The following RNF6 variants were observed in gnomAD, a reference collection of about 807,000 sequenced individuals.
The protein encoded by RNF6 is ring finger protein 6.
RNF6 carries 21 observed loss-of-function variants against 50.1 expected under a neutral mutation model. That is an observed-to-expected ratio of 0.42 (90% CI 0.30 to 0.60). The LOEUF (loss-of-function observed/expected upper bound fraction) is 0.60, where lower values mean the gene tolerates loss of function less well. Ranked by LOEUF, RNF6 falls within the 20% of genes least tolerant of loss-of-function variation. The pLI, the probability that RNF6 is intolerant of heterozygous loss-of-function variation, is 0.20. For synonymous variants in RNF6, 255 were observed against 291.8 expected (o/e 0.87, Z 1.29); for missense variants, 698 against 838.2 (o/e 0.83, Z 2.07).
chr13:26,192,738 A>G (rs1384229291), intron 5 of RNF6, among the ~76,000 whole-genome samples: 1 of 152,164 alleles, frequency 6.6e-6, no homozygotes, highest in Non-Finnish European at 1.5e-5. Flanking sequence ...AACAGCCCTC[A>G]AGGAGCTGAA....
intron 5 of RNF6, among the ~76,000 whole-genome samples, chr13:26,155,767 C>T (rs1378219834): frequency 2.0e-5 from 3 of 152,258 alleles, no homozygotes; most frequent in South Asian, 2.1e-4. Context: ...ATGGCTCAGG[C>T]GTCATCTGTT....
chr13:26,160,062 A>T (rs191624884), intron 5 of RNF6, among the ~76,000 whole-genome samples: 1 of 152,312 alleles, frequency 6.6e-6, no homozygotes, highest in Non-Finnish European at 1.5e-5. Flanking sequence ...TTTTTGTCTG[A>T]ACTACAAATC....
At position 26,180,954 on chromosome 13, in the gene RNF6, G is replaced by C. The variant is rs368233435; in HGVS notation, n.768+34520C>G. ...GCTTCCTGCACTTCCTGTAGTCGGAGATGTTCTTGTCTATCACTTGGGGTG... is the reference window on the plus strand; with the variant it reads ...GCTTCCTGCACTTCCTGTAGTCGGACATGTTCTTGTCTATCACTTGGGGTG... On this transcript the variant is annotated intron_variant and non_coding_transcript_variant, in intron 5 of 5. Coordinates refer to the RNF6 transcript ENST00000468480. Among the ~76,000 whole-genome samples, 37 of 152,350 alleles carry C rather than the reference G, an allele frequency of 2.4e-4. No homozygotes were observed. The East Asian group carries it at 2.7e-3, about 11-fold the overall frequency.
At position 26,214,644 on chromosome 13, in the gene RNF6, T is replaced by C. The variant is rs777250612; in HGVS notation, c.1238A>G (p.Asp413Gly). The C allele has an allele frequency of 1.1e-5, 18 of 1,614,062 alleles. No individual in the cohort carries two copies. The Admixed American group carries it at 1.3e-4, about 12-fold the overall frequency. Residue 413 changes from aspartate (D) to glycine (G), a missense_variant, in exon 5 of 5, where the codon GAT becomes GGT. By Grantham distance (94) the Asp-to-Gly change is moderately conservative (BLOSUM62 -1). Transcript: ENST00000381588. ...AGTTCTATTTGCAATACTATCCCGA[T>C]CTCTATTTTCTCCAGGACGGATCCT... ...VRRIRPGENR[D>G]RDSIANRTRS... is the part of the protein sequence containing the mutation.
chr13:26,148,982 T>G (rs1252024069), intron 5 of RNF6, among the ~76,000 whole-genome samples: 1 of 151,920 alleles, frequency 6.6e-6, no homozygotes, highest in Admixed American at 6.6e-5. Context: ...TATTCAGGCC[T>G]GTAATTGATT....
upstream of RNF6, chr13:26,222,566 G>A (rs1364106789): frequency 1.3e-5 from 2 of 152,288 alleles, no homozygotes; most frequent in Non-Finnish European, 2.9e-5. Context: ...CTTTACTTCC[G>A]GGTGTAACGT....
At chr13:26,173,162 A>G (rs117345449) in intron 5 of RNF6, among the ~76,000 whole-genome samples, 30 of 152,360 alleles carry the variant, frequency 2.0e-4, no homozygotes, top group Non-Finnish European at 3.4e-4. Flanking sequence ...ACCATTGTAG[A>G]GAGAGCAAGT....
chr13:26,190,338 A>G (rs1868407230), intron 5 of RNF6, among the ~76,000 whole-genome samples: 1 of 152,218 alleles, frequency 6.6e-6, no homozygotes, highest in Non-Finnish European at 1.5e-5. Flanking sequence ...ATAAGGCAAC[A>G]TATTTATAGA....
chr13:26,157,386 G>A (rs1338614765), intron 5 of RNF6, among the ~76,000 whole-genome samples: 1 of 152,038 alleles, frequency 6.6e-6, no homozygotes, highest in African/African-American at 2.4e-5. Context: ...AGAACACAAT[G>A]GCAGTGGGTG....
rs541745536 is a variant in RNF6 at position 26,197,361 on chromosome 13, C to T, written n.768+18113G>A. On this transcript the variant is annotated intron_variant and non_coding_transcript_variant, in intron 5 of 5. Coordinates refer to the RNF6 transcript ENST00000468480. ...TGGGATATACATGTATCTCCTACAACTCAGGAGTGTCTTTCCCAAGGACCT... is the reference window on the plus strand; with the variant it reads ...TGGGATATACATGTATCTCCTACAATTCAGGAGTGTCTTTCCCAAGGACCT... Among the ~76,000 whole-genome samples the T allele has an allele frequency of 1.3e-4, 20 of 152,078 alleles. No individual in the cohort carries two copies. In the South Asian group the frequency reaches 4.1e-3, roughly 32 times the overall value.
rs1873037343 is a variant in RNF6 at position 26,177,880 on chromosome 13, A to T, written n.768+37594T>A. On this transcript the variant is annotated intron_variant and non_coding_transcript_variant, in intron 5 of 5. Transcript: ENST00000468480. ...TTCTAAAACACAAATATGATGTGTC[A>T]CTCTGCTTAAAAACACTACTGTCAA... Among the ~76,000 whole-genome samples, 3 of 152,184 alleles carry T rather than the reference A, an allele frequency of 2.0e-5. No individual in the cohort carries two copies. The South Asian group carries it at 6.2e-4, about 32-fold the overall frequency.
intron 5 of RNF6, among the ~76,000 whole-genome samples, chr13:26,147,492 A>G (rs1418341293): frequency 6.6e-6 from 1 of 152,156 alleles, no homozygotes; most frequent in Non-Finnish European, 1.5e-5. Context: ...GGCTTATACC[A>G]CTGGGTGTGA....
intron 5 of RNF6, among the ~76,000 whole-genome samples, chr13:26,207,559 A>G (rs1869160886): frequency 6.6e-6 from 1 of 152,216 alleles, no homozygotes; most frequent in South Asian, 2.1e-4. Flanking sequence ...ATTGGGTAGG[A>G]GGAATGAGGA....
chr13:26,160,081 A>G (rs1397733764), intron 5 of RNF6, among the ~76,000 whole-genome samples: 1 of 152,188 alleles, frequency 6.6e-6, no homozygotes, highest in East Asian at 1.9e-4. Context: ...TCTTAGAAAC[A>G]ATGCCCCTCT....
At chr13:26,174,381 T>C (rs979784141) in intron 5 of RNF6, among the ~76,000 whole-genome samples, 1 of 152,102 alleles carries the variant, frequency 6.6e-6, no homozygotes. Flanking sequence ...CTGGGCACGG[T>C]GGCTCACACC....
In RNF6 at chr13:26,196,651, A is replaced by C. The variant is rs570152625; in HGVS notation, n.768+18823T>G. Among the ~76,000 whole-genome samples the C allele has an allele frequency of 2.0e-5, 3 of 151,890 alleles. No homozygotes were observed. In the East Asian group the frequency reaches 5.8e-4, roughly 29 times the overall value. On this transcript the variant is annotated intron_variant and non_coding_transcript_variant, in intron 5 of 5. Coordinates refer to the RNF6 transcript ENST00000468480. ...CTTTCTCCAAAAAATAAATAAATAA[A>C]TAAATAAATAAAACATTTTCAGATA... is the stretch of plus-strand genomic sequence containing the variant.
chr13:26,166,776 C>T (rs767377252), intron 5 of RNF6, among the ~76,000 whole-genome samples: 4 of 152,054 alleles, frequency 2.6e-5, no homozygotes, highest in Non-Finnish European at 4.4e-5. Context: ...AAAAGGTAGC[C>T]AGGCATGGTG....
In RNF6 at chr13:26,221,285, G is replaced by GTTT. The variant is rs1399660494; in HGVS notation, c.-57_-56insAAA. On this transcript the variant is annotated 5_prime_UTR_variant, in exon 2 of 5. Coordinates refer to ENST00000381588, the MANE Select transcript of RNF6 (RefSeq NM_005977.4). Reference sequence around the variant, plus strand: ...TCAACACGCTTTTAACATATGCCATGGTATCCATCCTTCAATTGTTTGTGC... The same window carrying GTTT: ...TCAACACGCTTTTAACATATGCCATGTTTGTATCCATCCTTCAATTGTTTGTGC... 2 of 152,144 alleles carry GTTT rather than the reference G, an allele frequency of 1.3e-5. No individual in the cohort carries two copies. Among genetic ancestry groups the GTTT allele is most frequent in the Non-Finnish European group, 2.9e-5 (2 of 68,036 alleles). The allele number at this position is 152,144 out of a possible 1,614,324, so 9.4% of individuals were successfully genotyped here.
Position 26,204,554 on chromosome 13 carries a change from A to G in RNF6, n.768+10920T>C, listed in dbSNP as rs138590823. 2.7e-3 allele frequency among the ~76,000 whole-genome samples: 414 copies of G among 152,118 alleles called. 1 individual carries two copies. Among genetic ancestry groups the G allele is most frequent in the African/African-American group, 9.6e-3 (398 of 41,524 alleles). Reference sequence around the variant, plus strand: ...AAAAAGAAAAAAGAAAAGGGAAACAATAACTCCTTTGGTCTTTAAAAGCAG... The same window carrying G: ...AAAAAGAAAAAAGAAAAGGGAAACAGTAACTCCTTTGGTCTTTAAAAGCAG... On this transcript the variant is annotated intron_variant and non_coding_transcript_variant, in intron 5 of 5. Coordinates refer to the RNF6 transcript ENST00000468480.
Sources: gnomAD v4.1 joint callset for allele counts (sites outside exome capture counted in the v4.1 genomes callset) on GRCh38, gnomAD v4.1.1 for gene constraint, MANE v1.5 for transcripts, NCBI Gene and HGNC (gene_info 2026-07-23, HGNC 2026-07-21) for gene names.